The following FKBP5 variants were observed in gnomAD, a reference collection of about 807,000 sequenced individuals.
FKBP5 encodes peptidyl-prolyl cis-trans isomerase FKBP5.
FKBP5 carries 23 observed loss-of-function variants against 50.5 expected under a neutral mutation model. That is an observed-to-expected ratio of 0.46 (90% CI 0.33 to 0.65). The LOEUF (loss-of-function observed/expected upper bound fraction) is 0.65, where lower values mean the gene tolerates loss of function less well. Among genes scored for constraint, FKBP5 ranks in the 30% least tolerant of loss-of-function variants. The pLI, the probability that FKBP5 is intolerant of heterozygous loss-of-function variation, is 0.02. For missense variants in FKBP5, 411 were observed against 553.1 expected, an observed-to-expected ratio of 0.74 and a Z score of 2.58; for synonymous variants, 176 against 190.6, an observed-to-expected ratio of 0.92 and a Z score of 0.63.
At chr6:35,695,734 T>C (rs1483514623) in intron 2 of FKBP5, among the ~76,000 whole-genome samples, 1 of 152,328 alleles carries the variant, frequency 6.6e-6, no homozygotes, top group Non-Finnish European at 1.5e-5. Context: ...AAGATGAAAT[T>C]AAGAAAACAA....
At chr6:35,701,171 T>G (rs901323053) in intron 2 of FKBP5, among the ~76,000 whole-genome samples, 4 of 152,030 alleles carry the variant, frequency 2.6e-5, no homozygotes, top group African/African-American at 9.7e-5. Flanking sequence ...TTATCTGAAA[T>G]TCAGATAAGA....
At chr6:35,651,861 T>C (rs1764810603) in intron 1 of FKBP5, 36 of 1,056,848 alleles carry the variant, frequency 3.4e-5, no homozygotes, top group Non-Finnish European at 4.1e-5. Context: ...CAAAGACTTA[T>C]GGTTAGGTGC....
chr6:35,599,136 G>C (rs756172437), intron 5 of FKBP5, among the ~76,000 whole-genome samples: 1 of 151,934 alleles, frequency 6.6e-6, no homozygotes, highest in African/African-American at 2.4e-5. Flanking sequence ...AACTTGTAGA[G>C]AGACTAAAAA....
chr6:35,609,997 G>A (rs559471000), intron 5 of FKBP5, among the ~76,000 whole-genome samples: 3 of 152,096 alleles, frequency 2.0e-5, no homozygotes, highest in Non-Finnish European at 2.9e-5. Flanking sequence ...CTGTCTGGCC[G>A]TATTATAAAG....
intron 1 of FKBP5, among the ~76,000 whole-genome samples, chr6:35,682,284 C>G (rs1294110719): frequency 6.6e-6 from 1 of 152,140 alleles, no homozygotes; most frequent in Non-Finnish European, 1.5e-5. Flanking sequence ...GGGTAAAGAA[C>G]ATTCCATGCT....
intron 1 of FKBP5, among the ~76,000 whole-genome samples, chr6:35,658,292 G>A (rs893872041): frequency 6.6e-6 from 1 of 151,624 alleles, no homozygotes; most frequent in Non-Finnish European, 1.5e-5. Context: ...GGAGAATGGC[G>A]TGAACCCCAG....
upstream of FKBP5, among the ~76,000 whole-genome samples, chr6:35,689,704 G>A (rs561001002): frequency 6.6e-6 from 1 of 152,212 alleles, no homozygotes; most frequent in Non-Finnish European, 1.5e-5. Flanking sequence ...AGCTGGGCTT[G>A]GTGGCGCGCG....
intron 1 of FKBP5, among the ~76,000 whole-genome samples, chr6:35,666,026 A>G (rs571145641): frequency 6.6e-6 from 1 of 152,262 alleles, no homozygotes; most frequent in Non-Finnish European, 1.5e-5. Flanking sequence ...TGCATTTTCA[A>G]CTTGTGATAT....
At chr6:35,727,128 A>C (rs541898135) in intron 1 of FKBP5, among the ~76,000 whole-genome samples, 104 of 152,330 alleles carry the variant, frequency 6.8e-4, no homozygotes, top group Admixed American at 1.2e-3. Context: ...GAAATGGCAC[A>C]GCAAACTGTG....
chr6:35,707,426 G>T (rs1766338970), intron 2 of FKBP5, among the ~76,000 whole-genome samples: 1 of 151,526 alleles, frequency 6.6e-6, no homozygotes, highest in African/African-American at 2.4e-5. Flanking sequence ...GTTTCTCCAT[G>T]ATGGGGCTGG....
At chr6:35,583,448 T>A (rs1437454022) in intron 8 of FKBP5, 2 of 985,316 alleles carry the variant, frequency 2.0e-6, no homozygotes, top group African/African-American at 3.5e-5. Flanking sequence ...CATAGGGCAT[T>A]TTAATTTTTT....
chr6:35,586,521 C>T, intron 8 of FKBP5: 1 of 984,950 alleles, frequency 1.0e-6, no homozygotes, highest in Non-Finnish European at 1.2e-6. Context: ...AATCTCAGCA[C>T]TTTGGGAAGC....
chr6:35,692,120 A>T (rs1422129212), upstream of FKBP5, among the ~76,000 whole-genome samples: 1 of 152,164 alleles, frequency 6.6e-6, no homozygotes, highest in Non-Finnish European at 1.5e-5. Context: ...ATTCACATGC[A>T]TTTTATCATT....
At chr6:35,657,444 C>T (rs997389862) in intron 1 of FKBP5, among the ~76,000 whole-genome samples, 1 of 152,152 alleles carries the variant, frequency 6.6e-6, no homozygotes, top group African/African-American at 2.4e-5. Flanking sequence ...GGCCCCCTTC[C>T]TCCATCTTCA....
intron 2 of FKBP5, among the ~76,000 whole-genome samples, chr6:35,701,315 C>T (rs1766183878): frequency 6.7e-6 from 1 of 148,540 alleles, no homozygotes; most frequent in Non-Finnish European, 1.5e-5. Flanking sequence ...GGGATCTCGG[C>T]TCACTGCAAG....
intron 1 of FKBP5, among the ~76,000 whole-genome samples, chr6:35,685,847 T>TG (rs1428289450): frequency 2.0e-5 from 3 of 152,022 alleles, no homozygotes; most frequent in African/African-American, 7.2e-5. Flanking sequence ...CCGGACATGG[T>TG]GGCGCAGGCC....
At chr6:35,649,232 C>T (rs1308435100) in intron 1 of FKBP5, among the ~76,000 whole-genome samples, 5 of 119,286 alleles carry the variant, frequency 4.2e-5, no homozygotes, top group Admixed American at 2.2e-4. Context: ...GCCTGGGCGA[C>T]AGAGCAAGAC....
At chr6:35,650,299 C>CAAAAAAA (rs34190034) in intron 1 of FKBP5, among the ~76,000 whole-genome samples, 1 of 99,908 alleles carries the variant, frequency 1.0e-5, no homozygotes. Context: ...AGATATTGTC[C>CAAAAAAA]AAAAAAAAAA....
intron 1 of FKBP5, among the ~76,000 whole-genome samples, chr6:35,663,488 C>A (rs562678821): frequency 6.6e-6 from 1 of 152,318 alleles, no homozygotes; most frequent in South Asian, 2.1e-4. Context: ...CCAATGGTTT[C>A]CCATCTCACA....
Sources: gnomAD v4.1 joint callset for allele counts (sites outside exome capture counted in the v4.1 genomes callset) on GRCh38, gnomAD v4.1.1 for gene constraint, MANE v1.5 for transcripts, NCBI Gene and HGNC (gene_info 2026-07-23, HGNC 2026-07-21) for gene names.